The following GALNT2 variants were observed in gnomAD, a reference collection of about 807,000 sequenced individuals.
GALNT2 encodes UDP-GalNAc:polypeptide N-acetylgalactosaminyltransferase 2.
Under a neutral mutation model 81.4 loss-of-function variants are expected in GALNT2, and 31 were observed. That is an observed-to-expected ratio of 0.38 (90% CI 0.29 to 0.51). The LOEUF is 0.51. Ranked by LOEUF, GALNT2 falls within the 20% of genes least tolerant of loss-of-function variation. The pLI is 0.87. For missense variants in GALNT2, 629 were observed against 765.7 expected (o/e 0.82, Z 2.11); for synonymous variants, 303 against 287.4 (o/e 1.05, Z -0.55).
chr1:230,109,010 T>C (rs1195813927), intron 1 of GALNT2, among the ~76,000 whole-genome samples: 2 of 152,250 alleles, frequency 1.3e-5, no homozygotes, highest in African/African-American at 4.8e-5. Flanking sequence ...GCAGGATATA[T>C]ATGTTAGAAA....
Position 230,152,551 on chromosome 1 carries a change from C to T in GALNT2, c.127-25667C>T, listed in dbSNP as rs140155692. On this transcript the variant is annotated intron_variant, in intron 1 of 15. Coordinates refer to ENST00000366672, the MANE Select transcript of GALNT2 (RefSeq NM_004481.5). ...GATGGGCGTGCATGTATTTATATAACGTATATATTTAAATACATGGTTTGG... is the reference window on the plus strand; with the variant it reads ...GATGGGCGTGCATGTATTTATATAATGTATATATTTAAATACATGGTTTGG... 6.3e-3 allele frequency among the ~76,000 whole-genome samples: 962 copies of T among 152,214 alleles called. 5 individuals carry two copies. The highest frequency in any genetic ancestry group is 0.027 in the Middle Eastern group (8 of 292).
intron 11 of GALNT2, among the ~76,000 whole-genome samples, chr1:230,258,378 C>A (rs112087416): frequency 4.0e-5 from 6 of 151,768 alleles, no homozygotes; most frequent in African/African-American, 1.5e-4. Flanking sequence ...TACAGGCATG[C>A]GCCACCACAC....
At chr1:230,141,283 TG>T (rs1661723919) in intron 1 of GALNT2, among the ~76,000 whole-genome samples, 2 of 152,232 alleles carry the variant, frequency 1.3e-5, no homozygotes. Context: ...AGACCCGGGC[TG>T]GGTTCCTTAC....
intron 6 of GALNT2, among the ~76,000 whole-genome samples, chr1:230,241,472 G>A (rs932396817): frequency 7.3e-5 from 11 of 151,672 alleles, no homozygotes; most frequent in African/African-American, 1.7e-4. Context: ...TTGTGACAGC[G>A]TTTCTCTCTT....
chr1:230,115,482 T>C (rs1660818674), intron 1 of GALNT2, among the ~76,000 whole-genome samples: 1 of 152,228 alleles, frequency 6.6e-6, no homozygotes, highest in African/African-American at 2.4e-5. Flanking sequence ...GGCAGTAGCC[T>C]TATGCCTAAA....
At chr1:230,067,522 T>G in intron 1 of GALNT2, 116 bp downstream of exon 1, 2 of 315,244 alleles carry the variant, frequency 6.3e-6, no homozygotes, top group African/African-American at 2.4e-5. Context: ...TCCGCTCGCG[T>G]CGCCCGCCCT....
chr1:230,229,301 C>T (rs898299474), intron 3 of GALNT2, among the ~76,000 whole-genome samples: 1 of 152,176 alleles, frequency 6.6e-6, no homozygotes, highest in African/African-American at 2.4e-5. Context: ...CAGTTAACAG[C>T]AGAAACCATC....
intron 9 of GALNT2, among the ~76,000 whole-genome samples, chr1:230,249,498 T>C (rs1329333036): frequency 6.6e-6 from 1 of 152,222 alleles, no homozygotes; most frequent in East Asian, 1.9e-4. Context: ...ATAAGGCCTA[T>C]CTGCTAGGTC....
chr1:230,156,627 C>T (rs1255723534), intron 1 of GALNT2, among the ~76,000 whole-genome samples: 2 of 152,132 alleles, frequency 1.3e-5, no homozygotes, highest in African/African-American at 2.4e-5. Flanking sequence ...ACATTTTCTG[C>T]AGTTAAATTT....
intron 1 of GALNT2, among the ~76,000 whole-genome samples, chr1:230,177,669 A>G (rs1302684426): frequency 6.6e-6 from 1 of 152,116 alleles, no homozygotes; most frequent in Non-Finnish European, 1.5e-5. Flanking sequence ...TGGCAGTCCT[A>G]TTAGAGTAAG....
At chr1:230,258,205 G>A (rs901367168) in intron 11 of GALNT2, among the ~76,000 whole-genome samples, 58 of 151,772 alleles carry the variant, frequency 3.8e-4, no homozygotes, top group Admixed American at 8.5e-4. Flanking sequence ...GTGAGCCACC[G>A]TGCCCAGCCA....
intron 2 of GALNT2, among the ~76,000 whole-genome samples, chr1:230,180,014 G>A (rs1227938013): frequency 6.6e-6 from 1 of 152,148 alleles, no homozygotes; most frequent in Non-Finnish European, 1.5e-5. Context: ...CCACCTCCCA[G>A]GTTCAAGCGA....
At chr1:230,076,737 C>T (rs1358769) in intron 1 of GALNT2, among the ~76,000 whole-genome samples, 16,773 of 151,990 alleles carry the variant, frequency 0.11, 1,608 homozygotes, top group African/African-American at 0.26. Flanking sequence ...GATATTTTAT[C>T]GGATTGGTAG....
upstream of GALNT2, among the ~76,000 whole-genome samples, chr1:230,066,791 G>T (rs756744838): frequency 6.6e-6 from 1 of 152,196 alleles, no homozygotes; most frequent in Non-Finnish European, 1.5e-5. Context: ...CCGTGTGCGT[G>T]AGCAAGGCTC....
At chr1:230,246,707 C>G (rs542017323) in intron 8 of GALNT2, among the ~76,000 whole-genome samples, 5 of 152,146 alleles carry the variant, frequency 3.3e-5, no homozygotes, top group Non-Finnish European at 5.9e-5. Context: ...TTTCCCAGCC[C>G]AACACCTGTG....
intron 3 of GALNT2, among the ~76,000 whole-genome samples, chr1:230,212,175 G>A (rs1664253368): frequency 6.6e-6 from 1 of 152,154 alleles, no homozygotes; most frequent in African/African-American, 2.4e-5. Context: ...GCTCACTGGT[G>A]GAGGAATTGG....
intron 1 of GALNT2, among the ~76,000 whole-genome samples, chr1:230,170,852 A>G (rs1662770778): frequency 6.6e-6 from 1 of 152,162 alleles, no homozygotes; most frequent in Admixed American, 6.5e-5. Flanking sequence ...GCACAAAGCC[A>G]TGCATGAGGG....
At chr1:230,270,319 GT>G (rs1195577039) in intron 14 of GALNT2, among the ~76,000 whole-genome samples, 1 of 152,226 alleles carries the variant, frequency 6.6e-6, no homozygotes, top group African/African-American at 2.4e-5. Context: ...CATGATGTAT[GT>G]TACACCCTCA....
At chr1:230,109,767 G>A (rs911212856) in intron 1 of GALNT2, among the ~76,000 whole-genome samples, 1 of 151,724 alleles carries the variant, frequency 6.6e-6, no homozygotes. Context: ...GGCGGAGGTC[G>A]CAGTGAGTTG....
Sources: gnomAD v4.1 joint callset for allele counts (sites outside exome capture counted in the v4.1 genomes callset) on GRCh38, gnomAD v4.1.1 for gene constraint, MANE v1.5 for transcripts, NCBI Gene and HGNC (gene_info 2026-07-23, HGNC 2026-07-21) for gene names.